The following PPIL6 variants were observed in gnomAD, a reference collection of about 807,000 sequenced individuals.
PPIL6 encodes peptidylprolyl isomerase like 6.
Under a neutral mutation model 36.8 loss-of-function variants are expected in PPIL6, and 39 were observed. The ratio of observed to expected loss-of-function variants is 1.06; its 90% CI spans 0.82 to 1.38. The LOEUF (loss-of-function observed/expected upper bound fraction) is 1.38. Among genes scored for constraint, PPIL6 ranks in the 40% most tolerant of loss-of-function variants. PPIL6 has a pLI of 0.00. For missense variants in PPIL6, 368 were observed against 379.1 expected (o/e 0.97, Z 0.24); for synonymous variants, 123 against 134.1 (o/e 0.92, Z 0.57).
intron 5 of PPIL6, among the ~76,000 whole-genome samples, chr6:109,420,045 A>T (rs1376876171): frequency 6.6e-6 from 1 of 151,236 alleles, no homozygotes; most frequent in Non-Finnish European, 1.5e-5. Context: ...GAATATGTAT[A>T]AAAAATAGAG....
upstream of PPIL6, chr6:109,441,154 C>G: frequency 6.2e-7 from 1 of 1,614,214 alleles, no homozygotes. Flanking sequence ...GACTGCGGAT[C>G]TTCAACCTCA....
Position 109,392,805 on chromosome 6 carries a change from C to T in PPIL6, c.*21G>A. The T allele has an allele frequency of 7.9e-7, 1 of 1,264,676 alleles. No individual in the cohort carries two copies. The highest frequency in any genetic ancestry group is 1.3e-5 in the South Asian group (1 of 77,560). 78.3% of individuals were successfully genotyped at this position (1,264,676 alleles called of 1,614,324 possible). ...TCAGATACAAAGTAATAAATTATCA[C>T]AGAAAATATTGATATGAAAATCAAG... On this transcript the variant is annotated 3_prime_UTR_variant, in exon 8 of 8. Coordinates refer to ENST00000521072, the MANE Select transcript of PPIL6 (RefSeq NM_173672.5).
rs758045029 is a variant in PPIL6 at position 109,440,531 on chromosome 6, C to T, written c.60G>A (p.Pro20=). 26 of 1,490,058 alleles carry T rather than the reference C, an allele frequency of 1.7e-5. No homozygotes were observed. Among genetic ancestry groups the T allele is most frequent in the Non-Finnish European group, 2.3e-5 (26 of 1,122,370 alleles). The allele number at this position is 1,490,058 out of a possible 1,614,324, so 92.3% of individuals were successfully genotyped here. A position where few individuals can be genotyped will look rare whatever the true frequency, so the allele number is the denominator to read the frequency against. ...PHARCGSPSL[P]ERPLQVKVVG... is the part of the protein sequence containing the mutation. ...CCACCTTCACCTGCAGCGGCCGCTC[C>T]GGCAGCGACGGCGAGCCGCACCTAG... is the stretch of plus-strand genomic sequence containing the variant. The change falls in exon 1 of 8, where the codon CCG becomes CCA. Residue 20 remains proline (P), a synonymous_variant. Transcript: ENST00000521072.
intron 6 of PPIL6, among the ~76,000 whole-genome samples, chr6:109,409,993 C>A (rs1041809672): frequency 1.3e-5 from 2 of 152,146 alleles, no homozygotes; most frequent in African/African-American, 4.8e-5. Context: ...AATGACAGCC[C>A]ACTAGCAGGG....
At chr6:109,415,498 C>T (rs919449506) in intron 6 of PPIL6, among the ~76,000 whole-genome samples, 3 of 152,156 alleles carry the variant, frequency 2.0e-5, no homozygotes, top group African/African-American at 7.2e-5. Context: ...TCTCCAAGAT[C>T]CATATCTTGA....
intron 5 of PPIL6, 32 bp from the exon 6 acceptor site, chr6:109,419,275 T>C: frequency 7.2e-7 from 1 of 1,386,296 alleles, no homozygotes; most frequent in Non-Finnish European, 1.0e-6. Context: ...ACATTAGAAT[T>C]TTGAGATGAA....
chr6:109,429,758 T>C (rs950062794), intron 3 of PPIL6, among the ~76,000 whole-genome samples: 5 of 152,258 alleles, frequency 3.3e-5, no homozygotes, highest in African/African-American at 1.2e-4. Context: ...GGCCATGTCT[T>C]CCTGCTGCCA....
intron 5 of PPIL6, among the ~76,000 whole-genome samples, chr6:109,421,737 G>C (rs1439568238): frequency 1.3e-5 from 2 of 152,198 alleles, no homozygotes; most frequent in Non-Finnish European, 2.9e-5. Context: ...CTGGAGAAGA[G>C]CTCTGAATGT....
chr6:109,428,836 G>A (rs1232960151), intron 3 of PPIL6, among the ~76,000 whole-genome samples: 1 of 152,096 alleles, frequency 6.6e-6, no homozygotes, highest in African/African-American at 2.4e-5. Context: ...GCATAATATA[G>A]TAAACTTCAG....
At chr6:109,417,360 G>A (rs951195053) in intron 6 of PPIL6, among the ~76,000 whole-genome samples, 1 of 145,298 alleles carries the variant, frequency 6.9e-6, no homozygotes, top group South Asian at 2.2e-4. Flanking sequence ...CCAGCTTGGG[G>A]AATACAGTGA....
chr6:109,409,809 C>A (rs1445174186), intron 6 of PPIL6, among the ~76,000 whole-genome samples: 1 of 152,072 alleles, frequency 6.6e-6, no homozygotes, highest in Non-Finnish European at 1.5e-5. Flanking sequence ...AGGAATTAAC[C>A]AAAGTGAAAA....
chr6:109,422,042 A>G (rs1048885057), intron 5 of PPIL6, among the ~76,000 whole-genome samples: 1 of 151,866 alleles, frequency 6.6e-6, no homozygotes, highest in African/African-American at 2.4e-5. Flanking sequence ...ACGCCCAGCT[A>G]ATTTTTGTAT....
intron 7 of PPIL6, among the ~76,000 whole-genome samples, chr6:109,399,591 C>T (rs748889249): frequency 4.6e-5 from 7 of 152,042 alleles, no homozygotes; most frequent in Admixed American, 2.0e-4. Context: ...TTAGTAGAGA[C>T]GGGGTTTTAC....
intron 6 of PPIL6, among the ~76,000 whole-genome samples, chr6:109,415,699 T>A (rs189535631): frequency 2.6e-4 from 40 of 152,354 alleles, no homozygotes; most frequent in Admixed American, 1.6e-3. Flanking sequence ...AATGGTATAA[T>A]CCTTCCAGAC....
chr6:109,424,291 G>A (rs1053456429), intron 5 of PPIL6, among the ~76,000 whole-genome samples: 5 of 152,152 alleles, frequency 3.3e-5, no homozygotes, highest in Non-Finnish European at 7.3e-5. Context: ...CAAAATAAAC[G>A]AGGCCTCAGG....
intron 6 of PPIL6, among the ~76,000 whole-genome samples, chr6:109,407,813 A>G (rs1372362017): frequency 1.3e-5 from 2 of 152,132 alleles, no homozygotes; most frequent in South Asian, 2.1e-4. Flanking sequence ...CTGCCCAAGC[A>G]TATCATCATA....
chr6:109,404,619 G>A (rs79097132), intron 6 of PPIL6, among the ~76,000 whole-genome samples: 10,546 of 152,264 alleles, frequency 0.069, 432 homozygotes, highest in South Asian at 0.13. Context: ...CTAGCACCAT[G>A]TGAGCACCTA....
At chr6:109,425,056 G>A (rs1400223943) in intron 5 of PPIL6, among the ~76,000 whole-genome samples, 1 of 152,176 alleles carries the variant, frequency 6.6e-6, no homozygotes, top group South Asian at 2.1e-4. Context: ...TCTGGATCAT[G>A]GGAACTGGAC....
chr6:109,421,176 T>C (rs1773524360), intron 5 of PPIL6, among the ~76,000 whole-genome samples: 1 of 152,230 alleles, frequency 6.6e-6, no homozygotes, highest in Non-Finnish European at 1.5e-5. Context: ...TCTTGTCCTC[T>C]GCTTCAGATC....
Sources: gnomAD v4.1 joint callset for allele counts (sites outside exome capture counted in the v4.1 genomes callset) on GRCh38, gnomAD v4.1.1 for gene constraint, MANE v1.5 for transcripts, NCBI Gene and HGNC (gene_info 2026-07-23, HGNC 2026-07-21) for gene names.